The following THSD7B variants were observed in gnomAD, a reference collection of about 807,000 sequenced individuals.
THSD7B encodes thrombospondin type-1 domain-containing protein 7B.
In THSD7B, 138 loss-of-function variants were observed where a neutral mutation model predicts 213.6. That is an observed-to-expected ratio of 0.65 (90% confidence interval 0.56 to 0.74). The LOEUF (loss-of-function observed/expected upper bound fraction) is 0.74, where lower values mean the gene tolerates loss of function less well. Ranked by LOEUF, THSD7B falls within the 30% of genes least tolerant of loss-of-function variation. The pLI, the probability that THSD7B is intolerant of heterozygous loss-of-function variation, is 0.00. For missense variants in THSD7B, 1,931 were observed against 1,991.5 expected, an observed-to-expected ratio of 0.97 and a Z score of 0.58; for synonymous variants, 742 against 687.0, an observed-to-expected ratio of 1.08 and a Z score of -1.25.
chr2:137,642,401 C>G, intron 20 of THSD7B, 87 bp from the exon 21 acceptor site: 1 of 1,489,316 alleles, frequency 6.7e-7, no homozygotes, highest in South Asian at 1.3e-5. Flanking sequence ...AAAATGAAGA[C>G]TTACATGTAT....
intron 5 of THSD7B, among the ~76,000 whole-genome samples, chr2:137,117,783 A>G (rs1049487757): frequency 3.3e-5 from 5 of 152,202 alleles, no homozygotes; most frequent in African/African-American, 1.2e-4. Flanking sequence ...AACAGAATGC[A>G]TATAATTTCT....
intron 12 of THSD7B, among the ~76,000 whole-genome samples, chr2:137,375,416 T>G (rs988658227): frequency 2.0e-5 from 3 of 152,202 alleles, no homozygotes; most frequent in Admixed American, 2.0e-4. Flanking sequence ...ATACCATTAT[T>G]CTGGATGGAA....
chr2:136,902,969 G>A (rs1684087241), intron 2 of THSD7B, among the ~76,000 whole-genome samples: 1 of 152,214 alleles, frequency 6.6e-6, no homozygotes, highest in Admixed American at 6.5e-5. Context: ...GAGATTGGAT[G>A]AAATTGGCTT....
At chr2:137,094,796 C>T in intron 3 of THSD7B, 77 bp from the exon 4 acceptor site, 4 of 1,492,352 alleles carry the variant, frequency 2.7e-6, no homozygotes, top group African/African-American at 1.4e-5. Flanking sequence ...AGTTTTTTTT[C>T]TCATGGTAGG....
At chr2:137,058,941 T>A (rs554288653) in intron 3 of THSD7B, among the ~76,000 whole-genome samples, 58 of 152,328 alleles carry the variant, frequency 3.8e-4, no homozygotes, top group Middle Eastern at 3.4e-3. Context: ...TGTTGTTTTT[T>A]AAGCCATCCA....
intron 17 of THSD7B, among the ~76,000 whole-genome samples, chr2:137,585,678 G>A (rs987248237): frequency 3.9e-5 from 6 of 152,072 alleles, no homozygotes; most frequent in Non-Finnish European, 7.4e-5. Context: ...CTGAGTTCTA[G>A]TTTGATTGCA....
chr2:137,476,604 T>G (rs193091843), intron 15 of THSD7B, among the ~76,000 whole-genome samples: 78 of 152,296 alleles, frequency 5.1e-4, no homozygotes, highest in African/African-American at 1.8e-3. Flanking sequence ...GTTACTGGTA[T>G]TTTTATGGAA....
chr2:137,368,348 T>C (rs1685467255), intron 12 of THSD7B, among the ~76,000 whole-genome samples: 1 of 152,094 alleles, frequency 6.6e-6, no homozygotes, highest in African/African-American at 2.4e-5. Flanking sequence ...TTTTCTCTCT[T>C]TTTTCACTTA....
At chr2:137,295,337 T>C (rs537143759) in intron 12 of THSD7B, among the ~76,000 whole-genome samples, 1 of 152,280 alleles carries the variant, frequency 6.6e-6, no homozygotes, top group South Asian at 2.1e-4. Flanking sequence ...ATTACACAAA[T>C]GCATATTTTT....
intron 12 of THSD7B, among the ~76,000 whole-genome samples, chr2:137,360,384 G>C (rs185316957): frequency 6.6e-6 from 1 of 152,082 alleles, no homozygotes; most frequent in Admixed American, 6.5e-5. Flanking sequence ...TGCACCCTAC[G>C]GAGGGTGAGC....
intron 20 of THSD7B, 127 bp downstream of exon 20, chr2:137,620,853 GGA>G: frequency 1.4e-6 from 1 of 731,212 alleles, no homozygotes; most frequent in Non-Finnish European, 2.2e-6. Flanking sequence ...GACCCACAGG[GGA>G]AGAAAAACAG....
chr2:136,975,446 C>A (rs947300910), intron 2 of THSD7B, among the ~76,000 whole-genome samples: 1 of 152,124 alleles, frequency 6.6e-6, no homozygotes. Context: ...ATAGGGGATG[C>A]TTTTCCCATT....
chr2:136,785,716 C>T (rs1245117862), intron 1 of THSD7B, among the ~76,000 whole-genome samples: 2 of 152,178 alleles, frequency 1.3e-5, no homozygotes, highest in Non-Finnish European at 2.9e-5. Flanking sequence ...TTGGGATTTC[C>T]GGGAAAGCCC....
intron 2 of THSD7B, among the ~76,000 whole-genome samples, chr2:136,995,085 C>T (rs547878012): frequency 1.3e-5 from 2 of 152,188 alleles, no homozygotes; most frequent in Non-Finnish European, 2.9e-5. Flanking sequence ...CATCAACAAA[C>T]ATCTCTTGTG....
chr2:137,676,736 T>C lies in THSD7B; in HGVS notation c.*131T>C, dbSNP rs536403849. 3 of 701,130 alleles carry C rather than the reference T, an allele frequency of 4.3e-6. No individual in the cohort carries two copies. The highest frequency in any genetic ancestry group is 3.4e-5 in the South Asian group (1 of 29,190). The allele number at this position is 701,130 out of a possible 1,614,324, so 43.4% of individuals were successfully genotyped here. On this transcript the variant is annotated 3_prime_UTR_variant, in exon 28 of 28. Coordinates refer to ENST00000409968, the MANE Select transcript of THSD7B (RefSeq NM_001316349.2). The stretch of plus-strand genomic sequence containing the variant: ...GGGCAGAATACAAATATTGCAAAAG[T>C]AATATTGCCTCAACTTCATTTGGAC...
chr2:137,667,981 C>T (rs1462686677), intron 27 of THSD7B, 120 bp downstream of exon 27: 1 of 649,452 alleles, frequency 1.5e-6, no homozygotes, highest in South Asian at 2.7e-5. Context: ...CAAAAATTAA[C>T]AGTAGAATGG....
At position 137,048,060 on chromosome 2, in the gene THSD7B, C is replaced by T. The variant is rs1687000681; in HGVS notation, c.140-8360C>T. Among the ~76,000 whole-genome samples, 3 of 151,916 alleles carry T rather than the reference C, an allele frequency of 2.0e-5. No homozygotes were observed. In the South Asian group the frequency reaches 6.2e-4, roughly 32 times the overall value. On this transcript the variant is annotated intron_variant, in intron 2 of 27. Coordinates refer to ENST00000409968, the MANE Select transcript of THSD7B (RefSeq NM_001316349.2). ...TCTCCTAATGCTATCCCTCCCCTTG[C>T]CCCCCACCCCCCAACAGGCCCTGTT...
chr2:137,272,792 C>T (rs1002714028), intron 11 of THSD7B, 130 bp downstream of exon 11: 1 of 974,144 alleles, frequency 1.0e-6, no homozygotes, highest in East Asian at 2.8e-5. Flanking sequence ...TCTTCAAATA[C>T]TTTAATATTC....
chr2:137,495,123 G>A (rs1679530199), intron 15 of THSD7B, among the ~76,000 whole-genome samples: 1 of 151,980 alleles, frequency 6.6e-6, no homozygotes, highest in Non-Finnish European at 1.5e-5. Context: ...TAAGTATTGT[G>A]TATTCAAAAT....
Sources: allele counts gnomAD v4.1 joint callset (sites outside exome capture counted in the v4.1 genomes callset), GRCh38; gene constraint gnomAD v4.1.1; transcripts MANE v1.5; gene names NCBI Gene and HGNC (gene_info 2026-07-23, HGNC 2026-07-21).